The following NAA20 variants were observed in gnomAD, a reference collection of about 807,000 sequenced individuals.
The protein encoded by NAA20 is N-alpha-acetyltransferase 20, NatB catalytic subunit.
A neutral mutation model predicts 23.8 loss-of-function variants in NAA20; 24 were observed. That is an observed-to-expected ratio of 1.01 (90% CI 0.73 to 1.42). The LOEUF (loss-of-function observed/expected upper bound fraction) is 1.42. Among genes scored for constraint, NAA20 ranks in the 40% most tolerant of loss-of-function variants. The probability of loss-of-function intolerance (pLI) is 0.00; values close to 1 mark genes in which losing one functional copy is unlikely to be tolerated. For synonymous variants in NAA20, 83 were observed against 77.7 expected (o/e 1.07, Z -0.36); for missense variants, 166 against 223.1 (o/e 0.74, Z 1.63).
At chr20:20,028,800 A>C (rs962395168) in intron 4 of NAA20, among the ~76,000 whole-genome samples, 2 of 152,250 alleles carry the variant, frequency 1.3e-5, no homozygotes, top group African/African-American at 4.8e-5. Flanking sequence ...GAATGATAGA[A>C]GTCAACTCCA....
At chr20:20,021,585 G>A (rs1031120020) in intron 1 of NAA20, among the ~76,000 whole-genome samples, 5 of 152,086 alleles carry the variant, frequency 3.3e-5, no homozygotes, top group African/African-American at 1.2e-4. Flanking sequence ...AATCTCAGTA[G>A]ATATTACGCG....
chr20:20,031,385 G>GA (rs1009119350), intron 4 of NAA20, among the ~76,000 whole-genome samples: 2 of 151,342 alleles, frequency 1.3e-5, no homozygotes, highest in Middle Eastern at 3.4e-3. Flanking sequence ...GTCCCTATGG[G>GA]AAAAAAAAAT....
intron 2 of NAA20, among the ~76,000 whole-genome samples, chr20:20,024,244 TTAAG>T (rs1302089524): frequency 6.6e-6 from 1 of 152,236 alleles, no homozygotes; most frequent in Non-Finnish European, 1.5e-5. Flanking sequence ...CAGGAGATGG[TTAAG>T]TAAATTAAGC....
chr20:20,017,952 G>A, intron 1 of NAA20: 1 of 1,613,458 alleles, frequency 6.2e-7, no homozygotes, highest in Non-Finnish European at 8.5e-7. Context: ...TGTACATCGT[G>A]AAGCCCACCT....
In NAA20 at chr20:20,022,485, CCT is replaced by C. The variant is rs747273947; in HGVS notation, c.78+6_78+7del. Reference sequence around the variant, plus strand: ...TTGGATCCACTTACAGAAACTGTATCCTTTTTTACAAAAAAAAAAAAGTTGAA... The same window carrying C: ...TTGGATCCACTTACAGAAACTGTATCTTTTTACAAAAAAAAAAAAGTTGAA... On this transcript the variant is annotated splice_donor_region_variant and intron_variant, in intron 2 of 5. Transcript: ENST00000334982. 2.6e-6 allele frequency: 4 copies of C among 1,560,668 alleles called. No homozygotes were observed. In the South Asian group the frequency reaches 4.8e-5, roughly 19 times the overall value.
At chr20:20,017,912 A>T in intron 1 of NAA20, 1 of 1,606,180 alleles carries the variant, frequency 6.2e-7, no homozygotes, top group Admixed American at 1.7e-5. Context: ...GCTTGCGAGG[A>T]TCGGAAGCTG....
At chr20:20,019,269 T>C in intron 1 of NAA20, among the ~76,000 whole-genome samples, 1 of 152,318 alleles carries the variant, frequency 6.6e-6, no homozygotes, top group East Asian at 1.9e-4. Flanking sequence ...CTCTGTGGGC[T>C]GTCATGTGAT....
chr20:20,030,585 CAA>C (rs2043336122), intron 4 of NAA20, among the ~76,000 whole-genome samples: 1 of 151,850 alleles, frequency 6.6e-6, no homozygotes, highest in African/African-American at 2.4e-5. Context: ...TGAGAGGAAA[CAA>C]AACTTATTTT....
At chr20:20,031,103 G>A (rs932996570) in intron 4 of NAA20, among the ~76,000 whole-genome samples, 2 of 152,174 alleles carry the variant, frequency 1.3e-5, no homozygotes, top group Non-Finnish European at 2.9e-5. Context: ...TATAGTACTT[G>A]TTAAGCTGAC....
At chr20:20,019,651 C>T (rs543669154) in intron 1 of NAA20, among the ~76,000 whole-genome samples, 7 of 152,176 alleles carry the variant, frequency 4.6e-5, no homozygotes, top group South Asian at 2.1e-4. Flanking sequence ...GTGGCACAAT[C>T]CTAGGTCGCT....
chr20:20,030,854 TTA>T (rs1005087234), intron 4 of NAA20, among the ~76,000 whole-genome samples: 1 of 151,932 alleles, frequency 6.6e-6, no homozygotes, highest in Non-Finnish European at 1.5e-5. Context: ...TCAATTGTAT[TTA>T]TATATATATA....
At chr20:20,023,328 A>G (rs985245384) in intron 2 of NAA20, among the ~76,000 whole-genome samples, 1 of 151,258 alleles carries the variant, frequency 6.6e-6, no homozygotes, top group Non-Finnish European at 1.5e-5. Flanking sequence ...AAAAAAAAAA[A>G]GGAGAGTACC....
intron 1 of NAA20, among the ~76,000 whole-genome samples, chr20:20,020,216 A>T (rs2043258051): frequency 6.6e-6 from 1 of 152,212 alleles, no homozygotes. Context: ...ATCCTGGCCC[A>T]CACCTTGGGA....
At chr20:20,017,856 C>T (rs1601121455) in intron 1 of NAA20, 1 of 1,550,644 alleles carries the variant, frequency 6.4e-7, no homozygotes, top group Non-Finnish European at 8.7e-7. Context: ...CCGGGCCGCG[C>T]CTCTTCTGGG....
chr20:20,018,730 G>A (rs2043248123), intron 1 of NAA20: 1 of 191,386 alleles, frequency 5.2e-6, no homozygotes, highest in Admixed American at 6.5e-5. Context: ...GGTGACTTGT[G>A]TTGAACTCAC....
chr20:20,017,641 C>G, intron 1 of NAA20, 192 bp downstream of exon 1: 1 of 1,325,536 alleles, frequency 7.5e-7, no homozygotes, highest in Non-Finnish European at 1.0e-6. Flanking sequence ...GGCCTGGAGT[C>G]GACGCACGCC....
At chr20:20,028,059 A>G (rs2043318260) in intron 4 of NAA20, among the ~76,000 whole-genome samples, 1 of 152,228 alleles carries the variant, frequency 6.6e-6, no homozygotes, top group African/African-American at 2.4e-5. Context: ...TTCAAGCCAA[A>G]TTAGAGGCAA....
upstream of NAA20, chr20:20,017,301 G>GTCT: frequency 6.5e-7 from 1 of 1,532,086 alleles, no homozygotes; most frequent in Non-Finnish European, 8.9e-7. Flanking sequence ...GCAGTACCCC[G>GTCT]TCTCGCTCGG....
intron 4 of NAA20, among the ~76,000 whole-genome samples, chr20:20,031,176 A>G (rs2043340934): frequency 6.6e-6 from 1 of 152,210 alleles, no homozygotes; most frequent in African/African-American, 2.4e-5. Context: ...AACAACAACA[A>G]AAATGGGTGA....
Sources: gnomAD v4.1 joint callset for allele counts (sites outside exome capture counted in the v4.1 genomes callset) on GRCh38, gnomAD v4.1.1 for gene constraint, MANE v1.5 for transcripts, NCBI Gene and HGNC (gene_info 2026-07-23, HGNC 2026-07-21) for gene names.